The following HABP2 variants were observed in gnomAD, a reference collection of about 807,000 sequenced individuals.
HABP2 encodes factor VII-activating protease.
Under a neutral mutation model 66.5 loss-of-function variants are expected in HABP2, and 65 were observed. The ratio of observed to expected loss-of-function variants is 0.98; its 90% CI spans 0.80 to 1.20. The LOEUF (loss-of-function observed/expected upper bound fraction) is 1.20, where lower values mean the gene tolerates loss of function less well. HABP2 is among the 50% of genes most tolerant of loss of function. The pLI, the probability that HABP2 is intolerant of heterozygous loss-of-function variation, is 0.00. For missense variants in HABP2, 786 were observed against 691.0 expected (o/e 1.14, Z -1.54); for synonymous variants, 263 against 253.9 (o/e 1.04, Z -0.34).
intron 2 of HABP2, among the ~76,000 whole-genome samples, chr10:113,571,315 C>T (rs1200565991): frequency 6.6e-6 from 1 of 152,190 alleles, no homozygotes; most frequent in African/African-American, 2.4e-5. Flanking sequence ...TCTGAGGCCT[C>T]AGCTAGGACC....
intron 11 of HABP2, among the ~76,000 whole-genome samples, chr10:113,585,309 A>G (rs1436757156): frequency 1.3e-5 from 2 of 152,214 alleles, no homozygotes; most frequent in Non-Finnish European, 2.9e-5. Flanking sequence ...CAGGCTTCTA[A>G]GACTTTATGT....
rs140155239 is a variant in HABP2, at chr10:113,578,956, A to T, written c.740+158A>T. Among the ~76,000 whole-genome samples the T allele has an allele frequency of 2.5e-4, 38 of 152,234 alleles. No homozygotes were observed. The East Asian group carries it at 6.9e-3, about 28-fold the overall frequency. ...ACTGCCAAATGTCAGTGGCTCAAAT[A>T]CATCAAAGTCTATTTCTGGGCTGGT... On this transcript the variant is annotated intron_variant, in intron 7 of 12. Coordinates refer to ENST00000351270, the MANE Select transcript of HABP2 (RefSeq NM_004132.5).
At chr10:113,583,468 C>A in intron 10 of HABP2, 110 bp downstream of exon 10, 1 of 890,696 alleles carries the variant, frequency 1.1e-6, no homozygotes, top group East Asian at 2.5e-5. Context: ...TTTTTGGTCC[C>A]TGTGGACCCT....
intron 8 of HABP2, among the ~76,000 whole-genome samples, chr10:113,581,372 A>G (rs1464590061): frequency 6.6e-6 from 1 of 152,170 alleles, no homozygotes; most frequent in Non-Finnish European, 1.5e-5. Flanking sequence ...CACCTATACA[A>G]CATTTACTGC....
chr10:113,575,849 C>T (rs774504869), intron 3 of HABP2, 48 bp from the exon 4 acceptor site: 2 of 1,100,214 alleles, frequency 1.8e-6, no homozygotes, highest in Admixed American at 1.9e-5. Flanking sequence ...GGGGGCGCTT[C>T]TCACCTGCCT....
At chr10:113,561,002 T>G (rs982855072) in intron 1 of HABP2, among the ~76,000 whole-genome samples, 1 of 152,216 alleles carries the variant, frequency 6.6e-6, no homozygotes, top group Admixed American at 6.5e-5. Flanking sequence ...CACTTACAAA[T>G]GGTCAAAACG....
chr10:113,555,919 T>C (rs944571235), intron 1 of HABP2, among the ~76,000 whole-genome samples: 1 of 152,142 alleles, frequency 6.6e-6, no homozygotes, highest in Non-Finnish European at 1.5e-5. Flanking sequence ...CTTAGAGTGA[T>C]TTGGGGCCCA....
At chr10:113,563,087 T>C (rs3862015) in intron 1 of HABP2, among the ~76,000 whole-genome samples, 91,418 of 152,126 alleles carry the variant, frequency 0.6, 28,649 homozygotes, top group African/African-American at 0.75. Flanking sequence ...AGACAAAATG[T>C]CCGTAAAATA....
intron 2 of HABP2, among the ~76,000 whole-genome samples, chr10:113,574,070 T>C (rs370166639): frequency 3.3e-5 from 5 of 152,162 alleles, no homozygotes; most frequent in East Asian, 3.9e-4. Context: ...CCCTGCTAAA[T>C]GTCAACACTA....
At chr10:113,586,003 C>CTCTG in intron 12 of HABP2, 65 bp downstream of exon 12, 5 of 1,414,474 alleles carry the variant, frequency 3.5e-6, no homozygotes, top group Non-Finnish European at 4.0e-6. Flanking sequence ...AGGCAGAGGA[C>CTCTG]CCTTAGAGCC....
chr10:113,551,289 G>T (rs965804383), upstream of HABP2, among the ~76,000 whole-genome samples: 1 of 152,242 alleles, frequency 6.6e-6, no homozygotes, highest in African/African-American at 2.4e-5. Flanking sequence ...TAATGAAATA[G>T]CAATACGGCT....
chr10:113,574,330 A>T lies in HABP2; in HGVS notation c.148A>T (p.Asn50Tyr), dbSNP rs113225892. The change falls in exon 3 of 13, where the codon AAT becomes TAT. Residue 50 changes from asparagine (N) to tyrosine (Y), a missense_variant. Transcript: ENST00000351270. The part of the protein sequence containing the change: ...DQYDYSYEDY[N>Y]QEENTSSTLT... ...GTATGATTACAGCTACGAGGATTAT[A>T]ATCAGGAAGAGAACACCAGTAGCAC... 5.4e-5 allele frequency: 86 copies of T among 1,607,340 alleles called. No individual in the cohort carries two copies. In the African/African-American group the frequency reaches 9.9e-4, roughly 18 times the overall value.
chr10:113,583,438 C>G, intron 10 of HABP2, 80 bp downstream of exon 10: 2 of 1,248,490 alleles, frequency 1.6e-6, no homozygotes, highest in Non-Finnish European at 2.3e-6. Context: ...AAGTTTGGTT[C>G]TAGAAGGTGC....
At chr10:113,583,125 G>A in intron 9 of HABP2, 91 bp from the exon 10 acceptor site, 2 of 1,057,796 alleles carry the variant, frequency 1.9e-6, no homozygotes, top group Admixed American at 2.1e-5. Flanking sequence ...TTACAAATGA[G>A]GAGGCTGAGT....
chr10:113,579,037 G>T (rs1287761115), intron 7 of HABP2, among the ~76,000 whole-genome samples: 1 of 151,204 alleles, frequency 6.6e-6, no homozygotes, highest in African/African-American at 2.4e-5. Flanking sequence ...CAGGCAGATT[G>T]CTTGAGCCCA....
upstream of HABP2, among the ~76,000 whole-genome samples, chr10:113,552,322 A>G (rs998139917): frequency 6.6e-6 from 1 of 152,220 alleles, no homozygotes; most frequent in Non-Finnish European, 1.5e-5. Flanking sequence ...TAAAGAGATC[A>G]ATTGTGTCCA....
At chr10:113,579,943 C>G (rs550106790) in intron 7 of HABP2, among the ~76,000 whole-genome samples, 3 of 151,960 alleles carry the variant, frequency 2.0e-5, no homozygotes, top group Admixed American at 6.6e-5. Context: ...CCACCACACC[C>G]GGCTAATTTT....
At chr10:113,576,029 T>C (rs772896314) in intron 4 of HABP2, 25 bp downstream of exon 4, 2 of 1,209,682 alleles carry the variant, frequency 1.7e-6, no homozygotes, top group Non-Finnish European at 2.5e-6. Flanking sequence ...ACTAGTCCAC[T>C]CTTCCCTCTG....
At chr10:113,580,818 C>G in intron 8 of HABP2, 126 bp downstream of exon 8, 1 of 614,006 alleles carries the variant, frequency 1.6e-6, no homozygotes, top group South Asian at 1.9e-5. Context: ...CAATTCCCAT[C>G]CCAGTGCCAG....
Sources: allele counts gnomAD v4.1 joint callset (sites outside exome capture counted in the v4.1 genomes callset), GRCh38; gene constraint gnomAD v4.1.1; transcripts MANE v1.5; gene names NCBI Gene and HGNC (gene_info 2026-07-23, HGNC 2026-07-21).